The following COL24A1 variants were observed in gnomAD, a reference collection of about 807,000 sequenced individuals.
The protein encoded by COL24A1 is collagen type XXIV alpha 1 chain, also known as collagen alpha-1(XXIV) chain.
In COL24A1, 224 loss-of-function variants were observed where a neutral mutation model predicts 253.9. The ratio of observed to expected loss-of-function variants is 0.88; its 90% CI spans 0.79 to 0.99. The LOEUF (loss-of-function observed/expected upper bound fraction) is 0.99. COL24A1 is among the 50% of genes least tolerant of loss of function. The pLI is 0.00. For missense variants in COL24A1, 2,131 were observed against 2,068.5 expected (o/e 1.03, Z -0.59); for synonymous variants, 685 against 673.7 (o/e 1.02, Z -0.26).
intron 5 of COL24A1, among the ~76,000 whole-genome samples, chr1:86,096,599 C>T (rs1467960609): frequency 2.0e-5 from 3 of 152,038 alleles, no homozygotes; most frequent in Non-Finnish European, 2.9e-5. Flanking sequence ...TCCTCCTCAG[C>T]CTAAATACAA....
intron 39 of COL24A1, among the ~76,000 whole-genome samples, chr1:85,845,284 A>G (rs182509898): frequency 5.9e-4 from 90 of 152,004 alleles, no homozygotes; most frequent in Middle Eastern, 3.4e-3. Context: ...ATCTAAACAA[A>G]TGTTGTAAAA....
chr1:86,026,021 C>T (rs1697992698), intron 14 of COL24A1, among the ~76,000 whole-genome samples: 1 of 152,172 alleles, frequency 6.6e-6, no homozygotes, highest in Non-Finnish European at 1.5e-5. Flanking sequence ...GTATATGACA[C>T]TACTTATTTT....
chr1:85,906,509 G>C (rs1409258573), intron 28 of COL24A1, among the ~76,000 whole-genome samples: 4 of 151,380 alleles, frequency 2.6e-5, no homozygotes, highest in East Asian at 1.9e-4. Context: ...TGTCTATAGA[G>C]GCCGTATACT....
intron 3 of COL24A1, 76 bp from the exon 4 acceptor site, chr1:86,115,454 C>T (rs1706052949): frequency 7.9e-6 from 11 of 1,384,904 alleles, no homozygotes; most frequent in East Asian, 7.0e-5. Flanking sequence ...ATAAGATTTC[C>T]ACCCAAAGAC....
At chr1:86,148,950 G>A (rs1372199767) in intron 1 of COL24A1, among the ~76,000 whole-genome samples, 9 of 152,102 alleles carry the variant, frequency 5.9e-5, no homozygotes, top group African/African-American at 1.7e-4. Flanking sequence ...GGTTGAACTA[G>A]TTTACAGTCC....
intron 5 of COL24A1, among the ~76,000 whole-genome samples, chr1:86,111,786 G>A (rs1327724175): frequency 6.6e-6 from 1 of 152,074 alleles, no homozygotes; most frequent in African/African-American, 2.4e-5. Context: ...AACCCACCGG[G>A]AGGAATGAAC....
intron 32 of COL24A1, among the ~76,000 whole-genome samples, chr1:85,887,000 C>T (rs1682589054): frequency 6.6e-6 from 1 of 152,100 alleles, no homozygotes; most frequent in South Asian, 2.1e-4. Context: ...TAATGAGGAA[C>T]TGAGTGAAGT....
chr1:85,983,170 CA>C (rs1295426584), intron 20 of COL24A1, among the ~76,000 whole-genome samples: 1 of 151,932 alleles, frequency 6.6e-6, no homozygotes, highest in Non-Finnish European at 1.5e-5. Context: ...ATTCCATAGC[CA>C]AAGTAAAAAC....
At chr1:86,017,751 T>G (rs1697134700) in intron 18 of COL24A1, among the ~76,000 whole-genome samples, 1 of 152,188 alleles carries the variant, frequency 6.6e-6, no homozygotes, top group Non-Finnish European at 1.5e-5. Context: ...GAGAGTTAAA[T>G]TAGATAATAT....
intron 32 of COL24A1, among the ~76,000 whole-genome samples, chr1:85,882,002 A>G (rs1487229601): frequency 6.6e-6 from 1 of 152,180 alleles, no homozygotes; most frequent in African/African-American, 2.4e-5. Flanking sequence ...ACTGCATCCC[A>G]CGAATTTTGA....
At chr1:86,135,243 C>T (rs1650038368) in intron 2 of COL24A1, among the ~76,000 whole-genome samples, 2 of 152,000 alleles carry the variant, frequency 1.3e-5, no homozygotes, top group Non-Finnish European at 2.9e-5. Flanking sequence ...CTATGTGTGT[C>T]TCTGCACGTG....
chr1:86,056,260 C>G (rs148484669), intron 10 of COL24A1, among the ~76,000 whole-genome samples: 3 of 152,140 alleles, frequency 2.0e-5, no homozygotes, highest in African/African-American at 7.2e-5. Flanking sequence ...TATGTGATTA[C>G]TTAATGCAAG....
intron 8 of COL24A1, among the ~76,000 whole-genome samples, chr1:86,062,396 C>T (rs1701154153): frequency 1.4e-5 from 2 of 146,234 alleles, no homozygotes; most frequent in Admixed American, 6.8e-5. Flanking sequence ...CAAATTTTGC[C>T]TGTTTTTTTT....
At chr1:86,016,124 C>A (rs1428512962) in intron 19 of COL24A1, among the ~76,000 whole-genome samples, 1 of 151,940 alleles carries the variant, frequency 6.6e-6, no homozygotes, top group Non-Finnish European at 1.5e-5. Flanking sequence ...GATCCTCTCA[C>A]ATCAGCCTCC....
rs760390576 is a variant in COL24A1 at position 85,961,277 on chromosome 1, TG to T, written c.2533del (p.Gln845LysfsTer21). 3.7e-6 allele frequency: 6 copies of T among 1,605,322 alleles called. No homozygotes were observed. The highest frequency in any genetic ancestry group is 5.1e-6 in the Non-Finnish European group (6 of 1,173,186). The stretch of plus-strand genomic sequence containing the variant: ...TTCACCAATTTTTCCAATATTTCCT[TG>T]ATCTCCTACTTCTCCCTGTCAAAAA... ...PEGLKGEVGD[Q>X]GNIGKIGETG... On this transcript the variant is annotated frameshift_variant, in exon 24 of 60. Transcript: ENST00000370571. LOFTEE classifies it high-confidence loss of function.
chr1:85,886,981 C>A (rs11589722), intron 32 of COL24A1, among the ~76,000 whole-genome samples: 38,383 of 152,026 alleles, frequency 0.25, 5,203 homozygotes, highest in Admixed American at 0.35. Context: ...TTTATCTTTA[C>A]AAGTGATCTA....
intron 18 of COL24A1, among the ~76,000 whole-genome samples, chr1:86,020,247 T>C (rs1275397689): frequency 1.3e-5 from 2 of 151,956 alleles, no homozygotes; most frequent in Non-Finnish European, 2.9e-5. Context: ...TTTGTATTTT[T>C]AGTAGAGACA....
chr1:85,977,013 G>A (rs531475766), intron 20 of COL24A1, among the ~76,000 whole-genome samples: 3 of 152,316 alleles, frequency 2.0e-5, no homozygotes, highest in Admixed American at 2.0e-4. Flanking sequence ...GGTATCGACA[G>A]CTGAGAGACC....
chr1:85,910,749 C>T (rs1206639711), intron 25 of COL24A1, among the ~76,000 whole-genome samples: 1 of 151,824 alleles, frequency 6.6e-6, no homozygotes, highest in Non-Finnish European at 1.5e-5. Flanking sequence ...TTAGATTCTA[C>T]CCTCAGTAAC....
Sources: allele counts gnomAD v4.1 joint callset (sites outside exome capture counted in the v4.1 genomes callset), GRCh38; gene constraint gnomAD v4.1.1; transcripts MANE v1.5; gene names NCBI Gene and HGNC (gene_info 2026-07-23, HGNC 2026-07-21).